Variants in NCOA7 observed in about 807,000 individuals in gnomAD.
NCOA7 encodes 140 kDa estrogen receptor-associated protein.
Under a neutral mutation model 104.3 loss-of-function variants are expected in NCOA7, and 45 were observed. The observed-to-expected ratio is 0.43, with a 90% CI of 0.34 to 0.55. The LOEUF (loss-of-function observed/expected upper bound fraction) is 0.55. NCOA7 is among the 20% of genes least tolerant of loss of function. The probability of loss-of-function intolerance (pLI) is 0.02; values close to 1 mark genes in which losing one functional copy is unlikely to be tolerated. For missense variants in NCOA7, 1,041 were observed against 1,119.7 expected, an observed-to-expected ratio of 0.93 and a Z score of 1.00; for synonymous variants, 398 against 402.3, an observed-to-expected ratio of 0.99 and a Z score of 0.13.
intron 4 of NCOA7, among the ~76,000 whole-genome samples, chr6:125,876,403 A>G (rs1783381389): frequency 6.6e-6 from 1 of 152,192 alleles, no homozygotes; most frequent in African/African-American, 2.4e-5. Flanking sequence ...CACCTAGAAT[A>G]GTGCCTTACC....
intron 1 of NCOA7, among the ~76,000 whole-genome samples, chr6:125,784,442 A>G (rs1774367205): frequency 6.6e-6 from 1 of 152,272 alleles, no homozygotes; most frequent in Non-Finnish European, 1.5e-5. Context: ...CTGATGGAAT[A>G]TAAAATGGTA....
chr6:125,835,341 C>T (rs1284990279), intron 2 of NCOA7, among the ~76,000 whole-genome samples: 1 of 152,066 alleles, frequency 6.6e-6, no homozygotes, highest in Non-Finnish European at 1.5e-5. Context: ...AGCTCTTTCC[C>T]CTTTCTAGGT....
chr6:125,856,976 T>G (rs1196843246), intron 3 of NCOA7, among the ~76,000 whole-genome samples: 1 of 152,208 alleles, frequency 6.6e-6, no homozygotes, highest in Non-Finnish European at 1.5e-5. Flanking sequence ...CTGATGTTGC[T>G]ACCGTACAGG....
At chr6:125,851,502 A>T (rs1339338694) in intron 2 of NCOA7, among the ~76,000 whole-genome samples, 1 of 152,176 alleles carries the variant, frequency 6.6e-6, no homozygotes, top group African/African-American at 2.4e-5. Flanking sequence ...TCATCAGTTG[A>T]TGGGCACTTT....
intron 1 of NCOA7, among the ~76,000 whole-genome samples, chr6:125,799,688 C>G (rs1775706822): frequency 6.6e-6 from 1 of 152,104 alleles, no homozygotes; most frequent in Non-Finnish European, 1.5e-5. Flanking sequence ...ATGATCCGCC[C>G]TCCTCAGCCT....
At chr6:125,840,775 TGCTGGGATTACAG>T (rs1780050458) in intron 2 of NCOA7, among the ~76,000 whole-genome samples, 1 of 151,370 alleles carries the variant, frequency 6.6e-6, no homozygotes, top group Non-Finnish European at 1.5e-5. Flanking sequence ...CCTCCCAAAG[TGCTGGGATTACAG>T]GCTTGAGTCA....
intron 7 of NCOA7, 140 bp from the exon 8 acceptor site, chr6:125,885,018 AC>A: frequency 1.2e-6 from 1 of 837,788 alleles, no homozygotes; most frequent in Non-Finnish European, 1.9e-6. Flanking sequence ...TCTGGTCCTC[AC>A]AAAGGGGATG....
At chr6:125,795,177 T>G (rs993025339) in intron 1 of NCOA7, among the ~76,000 whole-genome samples, 1 of 152,210 alleles carries the variant, frequency 6.6e-6, no homozygotes, top group African/African-American at 2.4e-5. Flanking sequence ...AAGATTGGCC[T>G]TTCTCAAGGG....
chr6:125,812,844 G>A (rs866396117), intron 1 of NCOA7, among the ~76,000 whole-genome samples: 1 of 152,120 alleles, frequency 6.6e-6, no homozygotes, highest in African/African-American at 2.4e-5. Flanking sequence ...GAAACTTGGA[G>A]GACATCCTTC....
intron 13 of NCOA7, 116 bp from the exon 14 acceptor site, chr6:125,927,547 G>T: frequency 1.3e-6 from 1 of 758,664 alleles, no homozygotes; most frequent in Non-Finnish European, 2.3e-6. Context: ...TGCCAATTTA[G>T]TAATAATCTT....
chr6:125,792,778 GA>G (rs58392952), intron 1 of NCOA7, among the ~76,000 whole-genome samples: 18,148 of 141,550 alleles, frequency 0.13, 1,433 homozygotes, highest in African/African-American at 0.24. Context: ...ATATCATTTT[GA>G]AAAAAAAAAA....
chr6:125,808,607 A>T (rs768452800), intron 1 of NCOA7, among the ~76,000 whole-genome samples: 1 of 152,152 alleles, frequency 6.6e-6, no homozygotes, highest in Non-Finnish European at 1.5e-5. Context: ...ACTGCCTTAA[A>T]TGATCATTTC....
At chr6:125,808,858 A>G (rs1210905242) in intron 1 of NCOA7, among the ~76,000 whole-genome samples, 2 of 152,130 alleles carry the variant, frequency 1.3e-5, no homozygotes, top group Non-Finnish European at 2.9e-5. Flanking sequence ...TATGTAGGAG[A>G]TTTGATGGCA....
chr6:125,847,945 A>G (rs1189711635), intron 2 of NCOA7, among the ~76,000 whole-genome samples: 1 of 152,210 alleles, frequency 6.6e-6, no homozygotes, highest in Admixed American at 6.5e-5. Context: ...AAAGAACTCA[A>G]ACAAATTTAC....
upstream of NCOA7, among the ~76,000 whole-genome samples, chr6:125,787,534 A>T (rs1425306638): frequency 6.6e-6 from 1 of 152,112 alleles, no homozygotes; most frequent in Non-Finnish European, 1.5e-5. Flanking sequence ...AGAGGAAGGG[A>T]TCTCTGCTTC....
chr6:125,807,949 A>G (rs1776610761), intron 1 of NCOA7, among the ~76,000 whole-genome samples: 1 of 152,218 alleles, frequency 6.6e-6, no homozygotes, highest in African/African-American at 2.4e-5. Flanking sequence ...ACATTTCTCC[A>G]TCTTATCCAT....
chr6:125,856,315 A>G (rs764597421), intron 3 of NCOA7, among the ~76,000 whole-genome samples: 5 of 151,928 alleles, frequency 3.3e-5, no homozygotes, highest in Non-Finnish European at 4.4e-5. Context: ...CCAAAGTTAC[A>G]GGAAGACATA....
chr6:125,877,033 A>G (rs1480597189), intron 4 of NCOA7, among the ~76,000 whole-genome samples: 1 of 152,224 alleles, frequency 6.6e-6, no homozygotes, highest in East Asian at 1.9e-4. Flanking sequence ...ATACAGTATT[A>G]AAAATATTTT....
intron 3 of NCOA7, among the ~76,000 whole-genome samples, chr6:125,872,119 G>C (rs1782979079): frequency 6.6e-6 from 1 of 150,920 alleles, no homozygotes; most frequent in African/African-American, 2.4e-5. Context: ...GTTTTGTTTT[G>C]TTTTGTTTTT....
Sources: gnomAD v4.1 joint callset for allele counts (sites outside exome capture counted in the v4.1 genomes callset) on GRCh38, gnomAD v4.1.1 for gene constraint, MANE v1.5 for transcripts, NCBI Gene and HGNC (gene_info 2026-07-23, HGNC 2026-07-21) for gene names.